The following FAM151B variants were observed in gnomAD, a reference collection of about 807,000 sequenced individuals.
The protein encoded by FAM151B is family with sequence similarity 151 member B.
In FAM151B, 24 loss-of-function variants were observed where a neutral mutation model predicts 31.2. The ratio of observed to expected loss-of-function variants is 0.77; its 90% CI spans 0.56 to 1.08. FAM151B has a LOEUF of 1.08. FAM151B is among the 50% of genes least tolerant of loss of function. FAM151B has a pLI of 0.00. For synonymous variants in FAM151B, 105 were observed against 111.4 expected, an observed-to-expected ratio of 0.94 and a Z score of 0.36; for missense variants, 293 against 328.6, an observed-to-expected ratio of 0.89 and a Z score of 0.84.
chr5:80,510,470 A>G (rs185810806), intron 2 of FAM151B, among the ~76,000 whole-genome samples: 15 of 152,338 alleles, frequency 9.8e-5, no homozygotes, highest in African/African-American at 3.4e-4. Context: ...TGACAGTTTT[A>G]TTTCCACTAC....
intron 1 of FAM151B, among the ~76,000 whole-genome samples, chr5:80,494,094 T>C (rs1200157374): frequency 3.3e-5 from 5 of 152,208 alleles, no homozygotes; most frequent in African/African-American, 1.2e-4. Context: ...CGTTGAAATA[T>C]TGGGGGCTGG....
At chr5:80,494,459 T>C (rs142070491) in intron 1 of FAM151B, among the ~76,000 whole-genome samples, 74 of 42,050 alleles carry the variant, frequency 1.8e-3, no homozygotes, top group African/African-American at 5.2e-3. Flanking sequence ...TTCTTTCTTT[T>C]CTTTCTTTCT....
chr5:80,514,301 G>A (rs1489905374), intron 3 of FAM151B, among the ~76,000 whole-genome samples: 5 of 151,718 alleles, frequency 3.3e-5, no homozygotes, highest in Non-Finnish European at 7.4e-5. Flanking sequence ...ATGGCGAAAC[G>A]CCACCTCTAC....
chr5:80,521,116 C>G (rs930456033), intron 4 of FAM151B, among the ~76,000 whole-genome samples: 1 of 71,882 alleles, frequency 1.4e-5, no homozygotes, highest in South Asian at 5.2e-4. Flanking sequence ...TGCACCTGGC[C>G]TTTTTTTTTT....
chr5:80,514,197 G>A (rs1744314360), intron 3 of FAM151B, among the ~76,000 whole-genome samples: 2 of 152,092 alleles, frequency 1.3e-5, no homozygotes, highest in African/African-American at 2.4e-5. Flanking sequence ...GGAGGCAGCC[G>A]GGCACAGTGG....
chr5:80,533,298 A>G (rs978697672), intron 5 of FAM151B, among the ~76,000 whole-genome samples: 5 of 152,034 alleles, frequency 3.3e-5, no homozygotes, highest in Non-Finnish European at 7.4e-5. Flanking sequence ...AATGGTGTGA[A>G]CCTGGGAGGC....
At chr5:80,534,215 C>G (rs1745388295) in intron 5 of FAM151B, among the ~76,000 whole-genome samples, 1 of 151,878 alleles carries the variant, frequency 6.6e-6, no homozygotes, top group Non-Finnish European at 1.5e-5. Flanking sequence ...TTCAAACTAT[C>G]CAAAAAATAG....
chr5:80,527,492 C>G (rs1005649327), intron 5 of FAM151B, among the ~76,000 whole-genome samples: 1 of 151,916 alleles, frequency 6.6e-6, no homozygotes, highest in Non-Finnish European at 1.5e-5. Flanking sequence ...TGTACTTACA[C>G]AAACCTAAAT....
chr5:80,500,309 T>A, intron 1 of FAM151B: 1 of 766,232 alleles, frequency 1.3e-6, no homozygotes, highest in Non-Finnish European at 2.3e-6. Flanking sequence ...GATGAGCAAG[T>A]TGCCTCTTTT....
intron 2 of FAM151B, among the ~76,000 whole-genome samples, chr5:80,505,128 A>T (rs1743902649): frequency 6.6e-6 from 1 of 152,208 alleles, no homozygotes; most frequent in South Asian, 2.1e-4. Context: ...ATTGCATTTG[A>T]TAGAGAATAA....
chr5:80,538,073 ATTT>A (rs56023066), intron 5 of FAM151B, among the ~76,000 whole-genome samples: 1,867 of 141,446 alleles, frequency 0.013, 47 homozygotes, highest in African/African-American at 0.047. Flanking sequence ...TATTTTATTA[ATTT>A]TTTTTTTTTT....
At chr5:80,488,221 T>C (rs969465718) in intron 1 of FAM151B, 73 bp downstream of exon 1, 31 of 1,489,810 alleles carry the variant, frequency 2.1e-5, no homozygotes, top group Non-Finnish European at 2.6e-5. Context: ...TACCCTCCCT[T>C]TGCGGGCTCC....
chr5:80,532,058 T>TA (rs1283216423), intron 5 of FAM151B, among the ~76,000 whole-genome samples: 1 of 152,028 alleles, frequency 6.6e-6, no homozygotes, highest in Admixed American at 6.6e-5. Context: ...TATGCACCCA[T>TA]AAAAAAGGAT....
intron 5 of FAM151B, among the ~76,000 whole-genome samples, chr5:80,541,183 T>A (rs887480647): frequency 6.6e-6 from 1 of 152,208 alleles, no homozygotes; most frequent in African/African-American, 2.4e-5. Context: ...CTCTTGGCAT[T>A]CTTGTATCTC....
At chr5:80,524,949 T>C (rs547223845) in intron 5 of FAM151B, among the ~76,000 whole-genome samples, 8 of 152,206 alleles carry the variant, frequency 5.3e-5, no homozygotes, top group Admixed American at 1.3e-4. Context: ...ATTTAATAAA[T>C]AGTTGTTAAA....
chr5:80,501,292 T>C, intron 1 of FAM151B: 1 of 661,028 alleles, frequency 1.5e-6, no homozygotes, highest in South Asian at 1.5e-5. Flanking sequence ...AGTGCTGGGA[T>C]TACAGGCGTG....
At chr5:80,509,022 G>A (rs933258804) in intron 2 of FAM151B, among the ~76,000 whole-genome samples, 4 of 152,024 alleles carry the variant, frequency 2.6e-5, no homozygotes, top group African/African-American at 4.8e-5. Context: ...CACCCAGGCC[G>A]TAGTGCAGTG....
At chr5:80,529,056 T>C (rs1580450539) in intron 5 of FAM151B, among the ~76,000 whole-genome samples, 1 of 152,256 alleles carries the variant, frequency 6.6e-6, no homozygotes, top group South Asian at 2.1e-4. Flanking sequence ...CACAGTGCAA[T>C]CAAACTACAA....
intron 1 of FAM151B, among the ~76,000 whole-genome samples, chr5:80,490,124 T>C (rs750254158): frequency 1.3e-4 from 20 of 151,564 alleles, no homozygotes; most frequent in Non-Finnish European, 2.4e-4. Context: ...CCGGGCGTGG[T>C]GGTTTACGCC....
Sources: gnomAD v4.1 joint callset for allele counts (sites outside exome capture counted in the v4.1 genomes callset) on GRCh38, gnomAD v4.1.1 for gene constraint, MANE v1.5 for transcripts, NCBI Gene and HGNC (gene_info 2026-07-23, HGNC 2026-07-21) for gene names.